Variants in CDH7 observed in about 807,000 individuals in gnomAD.
The protein encoded by CDH7 is cadherin-7.
CDH7 carries 25 observed loss-of-function variants against 71.8 expected under a neutral mutation model. That is an observed-to-expected ratio of 0.35 (90% CI 0.25 to 0.49). The LOEUF (loss-of-function observed/expected upper bound fraction) is 0.49. CDH7 is among the 20% of genes least tolerant of loss of function. The probability of loss-of-function intolerance (pLI) is 0.99; values close to 1 mark genes in which losing one functional copy is unlikely to be tolerated. For synonymous variants in CDH7, 381 were observed against 363.8 expected (o/e 1.05, Z -0.54); for missense variants, 862 against 974.6 (o/e 0.88, Z 1.54).
chr18:65,784,157 GC>G (rs1910424796), intron 2 of CDH7, among the ~76,000 whole-genome samples: 1 of 120,002 alleles, frequency 8.3e-6, no homozygotes, highest in Non-Finnish European at 1.7e-5. Flanking sequence ...TTGCCAAGTT[GC>G]CCAGTTTGCT....
chr18:65,781,368 A>G (rs1910179559), intron 2 of CDH7, among the ~76,000 whole-genome samples: 1 of 152,234 alleles, frequency 6.6e-6, no homozygotes, highest in Admixed American at 6.5e-5. Flanking sequence ...AATTTAAATA[A>G]GGAATCAGGT....
chr18:65,860,612 G>A (rs1913529980), intron 10 of CDH7, among the ~76,000 whole-genome samples: 1 of 152,110 alleles, frequency 6.6e-6, no homozygotes, highest in South Asian at 2.1e-4. Context: ...TGAAACTGAT[G>A]TAGAGGGTGA....
In CDH7 at chr18:65,799,742, C is replaced by A. The variant is rs367825855; in HGVS notation, c.211-9962C>A. Among the ~76,000 whole-genome samples the A allele has an allele frequency of 2.7e-4, 41 of 152,148 alleles. No individual in the cohort carries two copies. In the East Asian group the frequency reaches 5.0e-3, roughly 19 times the overall value. ...TTGGTCTTCAGTGTTCTACTTACCC[C>A]CAGAAGCTGTGTGACATACCCACAG... On this transcript the variant is annotated intron_variant, in intron 2 of 11. Transcript: ENST00000397968.
At position 65,853,413 on chromosome 18, in the gene CDH7, A is replaced by G. The variant is rs548295979; in HGVS notation, c.1236-4403A>G. Among the ~76,000 whole-genome samples the G allele has an allele frequency of 3.9e-5, 6 of 152,218 alleles. No homozygotes were observed. The South Asian group carries it at 1.2e-3, about 32-fold the overall frequency. Reference sequence around the variant, plus strand: ...GCTCAATCAGCCATCCTACATTACTAAGGCAGAGATACATTACACTTCTCA... The same window carrying G: ...GCTCAATCAGCCATCCTACATTACTGAGGCAGAGATACATTACACTTCTCA... On this transcript the variant is annotated intron_variant, in intron 7 of 11. Transcript: ENST00000397968.
chr18:65,844,031 G>T lies in CDH7; in HGVS notation c.1201G>T (p.Ala401Ser), dbSNP rs776055170. Residue 401 changes from alanine (A) to serine (S), a missense_variant, in exon 7 of 12, where the codon GCT becomes TCT. Coordinates refer to ENST00000397968, the MANE Select transcript of CDH7 (RefSeq NM_004361.5). ...TGGGAATATCATTGGCACTGTAGCA[G>T]CTCATGACCCAGATTCTTCCAATAG... is the stretch of plus-strand genomic sequence containing the variant. Reference protein sequence around the residue: ...QVGNIIGTVAAHDPDSSNSPV... With the variant: ...QVGNIIGTVASHDPDSSNSPV... The T allele has an allele frequency of 4.3e-6, 7 of 1,613,052 alleles. No individual in the cohort carries two copies. The highest frequency in any genetic ancestry group is 5.9e-6 in the Non-Finnish European group (7 of 1,179,398).
At chr18:65,795,854 TC>T (rs1482919475) in intron 2 of CDH7, among the ~76,000 whole-genome samples, 3 of 151,894 alleles carry the variant, frequency 2.0e-5, no homozygotes, top group African/African-American at 7.3e-5. Context: ...TGGAGGCAGT[TC>T]CCCCATGCTG....
chr18:65,759,347 C>T (rs151125055), intron 1 of CDH7, among the ~76,000 whole-genome samples: 1,722 of 151,352 alleles, frequency 0.011, 43 homozygotes, highest in African/African-American at 0.04. Flanking sequence ...CGAGTTTAAG[C>T]GATTCTCCTG....
At chr18:65,859,587 TCTCCCTAG>T in intron 9 of CDH7, 113 bp from the exon 10 acceptor site, 1 of 626,718 alleles carries the variant, frequency 1.6e-6, no homozygotes, top group Non-Finnish European at 2.9e-6. Context: ...TCGGATCCTT[TCTCCCTAG>T]CTCATTCAGG....
In CDH7 at chr18:65,880,737, C is replaced by G. The variant is rs765864375; in HGVS notation, c.2201C>G (p.Ala734Gly). 1.2e-6 allele frequency: 2 copies of G among 1,614,048 alleles called. No homozygotes were observed. Among genetic ancestry groups the G allele is most frequent in the Non-Finnish European group, 1.7e-6 (2 of 1,179,984 alleles). ...APPYDSLQTYAFEGNGSVAES... is the reference protein window; with the variant it reads ...APPYDSLQTYGFEGNGSVAES... ...CCTTATGACTCCCTGCAGACATATG[C>G]TTTTGAAGGAAATGGCTCAGTTGCT... The change falls in exon 12 of 12, where the codon GCT becomes GGT. Residue 734 changes from alanine to glycine, a missense_variant. Physicochemically the swap from Ala to Gly is moderately conservative, Grantham distance 60 (BLOSUM62 0). Transcript: ENST00000397968.
intron 11 of CDH7, chr18:65,863,227 TGA>T (rs1294841328): frequency 2.9e-6 from 1 of 340,100 alleles, no homozygotes; most frequent in African/African-American, 2.1e-5. Flanking sequence ...TAGTAGAGAC[TGA>T]GTTTCACCAT....
In CDH7 at chr18:65,782,066, CTTT is replaced by C. The variant is rs1424665504; in HGVS notation, c.210+19015_210+19017del. On this transcript the variant is annotated intron_variant, in intron 2 of 11. Transcript: ENST00000397968. ...CCTTCCTTCCTTCCTTCCTTCCTTT[CTTT>C]CTTTCTTTCTTTCCTTCCTTCCTTC... Among the ~76,000 whole-genome samples the C allele has an allele frequency of 1.5e-3, 75 of 51,644 alleles. 4 individuals are homozygous for C. The highest frequency in any genetic ancestry group is 3.0e-3 in the South Asian group (4 of 1,334). The allele number at this position is 51,644 out of a possible 152,430, so 33.9% of individuals were successfully genotyped here. A position where few individuals can be genotyped will look rare whatever the true frequency, so the allele number is the denominator to read the frequency against.
intron 2 of CDH7, among the ~76,000 whole-genome samples, chr18:65,798,313 C>T (rs1190764137): frequency 2.0e-5 from 3 of 152,004 alleles, no homozygotes; most frequent in Admixed American, 2.0e-4. Context: ...TGCCATTTGA[C>T]AGCCTTTGCT....
In CDH7 at chr18:65,882,842, A is replaced by G. The variant is rs1914270011; in HGVS notation, c.*1948A>G. 6.6e-6 allele frequency: 1 copy of G among 152,172 alleles called. No homozygotes were observed. The highest frequency in any genetic ancestry group is 1.9e-4 in the East Asian group (1 of 5,202). The allele number at this position is 152,172 out of a possible 1,614,324, so 9.4% of individuals were successfully genotyped here. ...ACGCGTATTTACCCAGTTCAATAAA[A>G]TCAGAGTGTGGTGCAGGAATTACAG... On this transcript the variant is annotated 3_prime_UTR_variant, in exon 12 of 12. Coordinates refer to ENST00000397968, the MANE Select transcript of CDH7 (RefSeq NM_004361.5).
intron 6 of CDH7, among the ~76,000 whole-genome samples, chr18:65,825,809 C>A (rs1912109553): frequency 1.3e-5 from 2 of 151,764 alleles, no homozygotes; most frequent in Non-Finnish European, 3.0e-5. Flanking sequence ...TTTAGCTAAG[C>A]TGGTGACAAT....
At chr18:65,825,024 T>C (rs1403739485) in intron 6 of CDH7, among the ~76,000 whole-genome samples, 193 bp downstream of exon 6, 1 of 151,836 alleles carries the variant, frequency 6.6e-6, no homozygotes, top group Non-Finnish European at 1.5e-5. Context: ...ATAACACCCA[T>C]CAATTCTATT....
intron 6 of CDH7, among the ~76,000 whole-genome samples, chr18:65,841,990 C>A (rs1210166790): frequency 2.0e-5 from 3 of 152,068 alleles, no homozygotes; most frequent in African/African-American, 7.2e-5. Flanking sequence ...TTATGTAAAA[C>A]CTGAGATAAA....
intron 11 of CDH7, chr18:65,863,198 C>T (rs1913641117): frequency 6.7e-6 from 3 of 449,402 alleles, no homozygotes; most frequent in Admixed American, 7.6e-5. Flanking sequence ...CCACCACACC[C>T]AGCTAACTTT....
intron 5 of CDH7, among the ~76,000 whole-genome samples, chr18:65,823,890 C>T (rs1912029792): frequency 6.6e-6 from 1 of 151,782 alleles, no homozygotes; most frequent in Non-Finnish European, 1.5e-5. Flanking sequence ...ATATAGCATG[C>T]TGCGGTGTTT....
intron 4 of CDH7, among the ~76,000 whole-genome samples, 175 bp from the exon 5 acceptor site, chr18:65,821,906 C>T (rs1911943048): frequency 6.6e-6 from 1 of 152,048 alleles, no homozygotes; most frequent in African/African-American, 2.4e-5. Context: ...TGTTTTGTAA[C>T]ATTGTGTAAA....
Sources: allele counts gnomAD v4.1 joint callset (sites outside exome capture counted in the v4.1 genomes callset), GRCh38; gene constraint gnomAD v4.1.1; transcripts MANE v1.5; gene names NCBI Gene and HGNC (gene_info 2026-07-23, HGNC 2026-07-21).